The following RTTN variants were observed in gnomAD, a reference collection of about 807,000 sequenced individuals.
RTTN encodes the protein rotatin.
Under a neutral mutation model 269.2 loss-of-function variants are expected in RTTN, and 182 were observed. The ratio of observed to expected loss-of-function variants is 0.68; its 90% confidence interval spans 0.60 to 0.76. RTTN has a LOEUF of 0.76. Ranked by LOEUF, RTTN falls within the 30% of genes least tolerant of loss-of-function variation. RTTN has a pLI of 0.00. For missense variants in RTTN, 2,545 were observed against 2,608.6 expected (o/e 0.98, Z 0.53); for synonymous variants, 1,006 against 963.5 (o/e 1.04, Z -0.82).
At chr18:70,142,492 A>G (rs1033059554) in intron 18 of RTTN, 105 bp from the exon 19 acceptor site, 37 of 660,412 alleles carry the variant, frequency 5.6e-5, no homozygotes, top group Non-Finnish European at 7.9e-5. Flanking sequence ...CAAAAAGTCA[A>G]CTTATTTAAA....
intron 35 of RTTN, among the ~76,000 whole-genome samples, chr18:70,062,335 C>T (rs937059251): frequency 3.3e-5 from 5 of 152,140 alleles, no homozygotes; most frequent in African/African-American, 1.2e-4. Flanking sequence ...TATCCCACCC[C>T]TCAATCTCTT....
At chr18:70,112,223 G>A (rs1283838749) in intron 27 of RTTN, among the ~76,000 whole-genome samples, 4 of 152,110 alleles carry the variant, frequency 2.6e-5, no homozygotes, top group South Asian at 2.1e-4. Context: ...AAAGAACATC[G>A]ACGCTATGAA....
At chr18:70,035,203 A>G (rs539082022) in intron 40 of RTTN, among the ~76,000 whole-genome samples, 1 of 152,230 alleles carries the variant, frequency 6.6e-6, no homozygotes, top group Non-Finnish European at 1.5e-5. Context: ...TCATAGAACT[A>G]GAAAAAACTT....
At chr18:70,187,807 C>T (rs1336052815) in intron 10 of RTTN, among the ~76,000 whole-genome samples, 5 of 152,126 alleles carry the variant, frequency 3.3e-5, no homozygotes, top group Non-Finnish European at 7.3e-5. Context: ...TAGCAATAAA[C>T]TCACGATCTT....
chr18:70,119,089 A>G (rs1266810586), intron 26 of RTTN, among the ~76,000 whole-genome samples: 1 of 152,126 alleles, frequency 6.6e-6, no homozygotes, highest in Non-Finnish European at 1.5e-5. Flanking sequence ...CAGAGCAATT[A>G]GTATATAGAA....
In RTTN at chr18:70,004,154, G is replaced by C. The variant is rs1047616877; in HGVS notation, c.6678C>G (p.Ser2226=). Reference sequence around the variant, plus strand: ...AAGGTGTAGCATCCCATGGCACTCAGGAAGAATTAAGGAGCTGCACGAGGT... The same window carrying C: ...AAGGTGTAGCATCCCATGGCACTCACGAAGAATTAAGGAGCTGCACGAGGT... ...LENLVQLLNS[S] is the part of the protein sequence containing the mutation. Residue 2226 remains serine (S), a synonymous_variant, in exon 49 of 49, where the codon TCC becomes TCG. Transcript: ENST00000640769. 1.9e-6 allele frequency: 3 copies of C among 1,611,358 alleles called. No homozygotes were observed. Among genetic ancestry groups the C allele is most frequent in the Non-Finnish European group, 2.5e-6 (3 of 1,177,778 alleles).
rs2061707479 is a variant in RTTN at position 70,192,793 on chromosome 18, T to A, written c.1007+495A>T. On this transcript the variant is annotated intron_variant, in intron 8 of 48. Coordinates refer to ENST00000640769, the MANE Select transcript of RTTN (RefSeq NM_173630.4). ...ACCATTCCTTTTAACAGTAAACACTTATCCATTTGTTATAAGACTTACAAA... is the reference window on the plus strand; with the variant it reads ...ACCATTCCTTTTAACAGTAAACACTAATCCATTTGTTATAAGACTTACAAA... 2.0e-5 allele frequency among the ~76,000 whole-genome samples: 3 copies of A among 152,310 alleles called. No individual in the cohort carries two copies. The South Asian group carries it at 6.2e-4, about 32-fold the overall frequency.
intron 30 of RTTN, 62 bp downstream of exon 30, chr18:70,092,048 T>A (rs2058861354): frequency 9.5e-7 from 1 of 1,053,788 alleles, no homozygotes; most frequent in South Asian, 1.3e-5. Context: ...CCACCGCACC[T>A]GGCCCCGTGT....
chr18:70,034,429 A>G (rs1023671399), intron 40 of RTTN, among the ~76,000 whole-genome samples: 1 of 152,256 alleles, frequency 6.6e-6, no homozygotes, highest in African/African-American at 2.4e-5. Context: ...GATTCATCAC[A>G]TAAACAGAAC....
intron 40 of RTTN, among the ~76,000 whole-genome samples, chr18:70,034,544 TTAAAA>T (rs2057113716): frequency 6.6e-6 from 1 of 152,210 alleles, no homozygotes; most frequent in African/African-American, 2.4e-5. Flanking sequence ...GTAACATATA[TTAAAA>T]TAACGAGAGC....
rs763131512 is a variant in RTTN at position 70,017,618 on chromosome 18, A to G, written c.6210T>C (p.His2070=). ...ACCAAAGAATAGTCAGATTACTTAG[A>G]TGTTTATTTCCTCCTTTTGGCAATG... ...SLALPKGGNK[H]LSNLTILWLK... is the part of the protein sequence containing the mutation. Residue 2070 remains histidine, a synonymous_variant, in exon 46 of 49, where the codon CAT becomes CAC. Transcript: ENST00000640769. 2.2e-5 allele frequency: 35 copies of G among 1,613,618 alleles called. No individual in the cohort carries two copies. Among genetic ancestry groups the G allele is most frequent in the Middle Eastern group, 1.6e-4 (1 of 6,082 alleles).
chr18:70,176,661 A>G lies in RTTN; in HGVS notation c.1476+14T>C. ...AGTCTGTAAAGTACAAATGAGCAGC[A>G]TTGCCTGCCTTACCTTTTCAACAGG... On this transcript the variant is annotated intron_variant, in intron 11 of 48. Coordinates refer to ENST00000640769, the MANE Select transcript of RTTN (RefSeq NM_173630.4). 1 of 1,608,824 alleles carries G rather than the reference A, an allele frequency of 6.2e-7. No homozygotes were observed. Among genetic ancestry groups the G allele is most frequent in the African/African-American group, 1.3e-5 (1 of 74,888 alleles).
intron 17 of RTTN, among the ~76,000 whole-genome samples, chr18:70,147,823 A>G (rs1381712374): frequency 6.6e-6 from 1 of 152,116 alleles, no homozygotes; most frequent in African/African-American, 2.4e-5. Flanking sequence ...AACAAACAAG[A>G]AATGCCCCCT....
chr18:70,068,598 T>C (rs1348752296), intron 34 of RTTN, among the ~76,000 whole-genome samples: 2 of 152,182 alleles, frequency 1.3e-5, no homozygotes, highest in African/African-American at 4.8e-5. Flanking sequence ...GGAGGAGGAA[T>C]TGGCTTAGTT....
At chr18:70,056,275 G>A (rs1287112035) in intron 37 of RTTN, among the ~76,000 whole-genome samples, 1 of 152,116 alleles carries the variant, frequency 6.6e-6, no homozygotes, top group Non-Finnish European at 1.5e-5. Flanking sequence ...ATCTACATAA[G>A]GCCAGCTGGT....
chr18:70,094,794 T>C (rs551452995), intron 28 of RTTN, among the ~76,000 whole-genome samples: 38 of 152,314 alleles, frequency 2.5e-4, no homozygotes, highest in African/African-American at 8.4e-4. Context: ...TAGATGTCTA[T>C]TAGGTCCGCT....
intron 14 of RTTN, among the ~76,000 whole-genome samples, chr18:70,162,886 G>GAAAAAAAAAAAAAAAAAAAGAAAA (rs5825997): frequency 2.0e-5 from 1 of 50,196 alleles, no homozygotes; most frequent in Non-Finnish European, 3.6e-5. Flanking sequence ...AATAAAAGTT[G>GAAAAAAAAAAAAAAAAAAAGAAAA]AAAAAAAAAA....
chr18:70,142,256 G>A, intron 19 of RTTN, 32 bp downstream of exon 19: 1 of 1,330,230 alleles, frequency 7.5e-7, no homozygotes. Context: ...ATTATCAGCA[G>A]TACAGCAATC....
At chr18:70,118,310 TATTATGA>T (rs1268235461) in intron 26 of RTTN, among the ~76,000 whole-genome samples, 1 of 152,082 alleles carries the variant, frequency 6.6e-6, no homozygotes. Context: ...CGTAAGAGAC[TATTATGA>T]ACAATTTCAT....
Sources: allele counts gnomAD v4.1 joint callset (sites outside exome capture counted in the v4.1 genomes callset), GRCh38; gene constraint gnomAD v4.1.1; transcripts MANE v1.5; gene names NCBI Gene and HGNC (gene_info 2026-07-23, HGNC 2026-07-21).